The following LDAH variants were observed in gnomAD, a reference collection of about 807,000 sequenced individuals.
LDAH encodes the protein lipid droplet associated hydrolase.
LDAH carries 26 observed loss-of-function variants against 29.6 expected under a neutral mutation model. That is an observed-to-expected ratio of 0.88 (90% CI 0.64 to 1.22). LDAH has a LOEUF of 1.22. LDAH is among the 50% of genes most tolerant of loss of function. The pLI is 0.00. For missense variants in LDAH, 344 were observed against 387.3 expected (o/e 0.89, Z 0.94); for synonymous variants, 117 against 133.0 (o/e 0.88, Z 0.83).
At chr2:20,822,082 C>T (rs1302532780) in intron 1 of LDAH, among the ~76,000 whole-genome samples, 3 of 151,722 alleles carry the variant, frequency 2.0e-5, no homozygotes, top group African/African-American at 2.4e-5. Context: ...TTGGTTGTAT[C>T]TCTTTCTCCA....
In LDAH at chr2:20,710,648, CAT is replaced by C. The variant is rs1326006127; in HGVS notation, c.704-8998_704-8997del. On this transcript the variant is annotated intron_variant, in intron 5 of 6. Transcript: ENST00000237822. Reference sequence around the variant, plus strand: ...TATATATATATAGATATATAGTATACATATATATACACATATATATTATACAT... The same window carrying C: ...TATATATATATAGATATATAGTATACATATATACACATATATATTATACAT... Among the ~76,000 whole-genome samples, 321 of 136,686 alleles carry C rather than the reference CAT, an allele frequency of 2.3e-3. 4 individuals carry two copies. The highest frequency in any genetic ancestry group is 7.2e-3 in the African/African-American group (265 of 36,960). The allele number at this position is 136,686 out of a possible 152,430, so 89.7% of individuals were successfully genotyped here.
intron 5 of LDAH, among the ~76,000 whole-genome samples, chr2:20,722,138 G>C (rs528302913): frequency 7.9e-4 from 120 of 152,230 alleles, no homozygotes; most frequent in African/African-American, 2.7e-3. Flanking sequence ...CACTTTGGGA[G>C]GCCTAGGCGG....
At chr2:20,772,206 A>T (rs1394372034) in intron 4 of LDAH, among the ~76,000 whole-genome samples, 1 of 152,198 alleles carries the variant, frequency 6.6e-6, no homozygotes, top group Non-Finnish European at 1.5e-5. Context: ...CAAACACAAA[A>T]ACCAAAACAG....
At chr2:20,719,723 A>G (rs1345693712) in intron 5 of LDAH, among the ~76,000 whole-genome samples, 1 of 152,164 alleles carries the variant, frequency 6.6e-6, no homozygotes, top group Admixed American at 6.5e-5. Flanking sequence ...AAAATCCTCA[A>G]CAAAATACTA....
intron 1 of LDAH, among the ~76,000 whole-genome samples, chr2:20,805,583 TA>T (rs1194873491): frequency 6.6e-6 from 1 of 152,164 alleles, no homozygotes; most frequent in African/African-American, 2.4e-5. Context: ...CAATCTTTAA[TA>T]AAATCAATTT....
At chr2:20,811,818 G>GA (rs1236687834) in intron 1 of LDAH, among the ~76,000 whole-genome samples, 1 of 152,052 alleles carries the variant, frequency 6.6e-6, no homozygotes, top group Non-Finnish European at 1.5e-5. Flanking sequence ...ATGAAAGACA[G>GA]AAAAAACACA....
chr2:20,728,388 T>A (rs975294764), intron 5 of LDAH, among the ~76,000 whole-genome samples: 6 of 152,186 alleles, frequency 3.9e-5, no homozygotes, highest in African/African-American at 1.4e-4. Context: ...TGATCTTCTT[T>A]TCCCTTGATA....
chr2:20,727,234 C>T (rs1200483672), intron 5 of LDAH, among the ~76,000 whole-genome samples: 2 of 151,952 alleles, frequency 1.3e-5, no homozygotes, highest in African/African-American at 4.8e-5. Context: ...TAAATAAAAG[C>T]CACAGTTGGG....
At chr2:20,716,861 T>C (rs1380488391) in intron 5 of LDAH, among the ~76,000 whole-genome samples, 5 of 151,508 alleles carry the variant, frequency 3.3e-5, no homozygotes, top group African/African-American at 9.7e-5. Flanking sequence ...GATTTTTTTT[T>C]CCCAGAGCCT....
At chr2:20,697,154 C>A (rs1374293671) in intron 6 of LDAH, among the ~76,000 whole-genome samples, 1 of 152,120 alleles carries the variant, frequency 6.6e-6, no homozygotes. Flanking sequence ...AATACAAGTA[C>A]CAAAATGAAC....
intron 1 of LDAH, among the ~76,000 whole-genome samples, chr2:20,803,138 CA>C (rs1671821210): frequency 6.6e-6 from 1 of 152,158 alleles, no homozygotes. Context: ...AGGATACTGC[CA>C]AATATCCTAC....
At chr2:20,709,803 A>G (rs745642276) in intron 5 of LDAH, among the ~76,000 whole-genome samples, 1 of 152,188 alleles carries the variant, frequency 6.6e-6, no homozygotes, top group Non-Finnish European at 1.5e-5. Context: ...ATGCAACGAA[A>G]TATTATTCAT....
chr2:20,720,378 C>A (rs977671283), intron 5 of LDAH, among the ~76,000 whole-genome samples: 2 of 151,724 alleles, frequency 1.3e-5, no homozygotes, highest in African/African-American at 2.4e-5. Context: ...CTAAAAAATA[C>A]CTAGGAATAA....
chr2:20,775,593 T>G lies in LDAH; in HGVS notation c.299-614A>C, dbSNP rs2125020516. ...TTAATTATTTTAGATAATCTTTATTTATTTAAAGAATCCAGATCGAAAAAC... is the reference window on the plus strand; with the variant it reads ...TTAATTATTTTAGATAATCTTTATTGATTTAAAGAATCCAGATCGAAAAAC... On this transcript the variant is annotated intron_variant, in intron 3 of 6. Coordinates refer to ENST00000237822, the MANE Select transcript of LDAH (RefSeq NM_021925.4). 3.9e-5 allele frequency among the ~76,000 whole-genome samples: 6 copies of G among 152,372 alleles called. 1 individual carries two copies. Among genetic ancestry groups the G allele is most frequent in the Admixed American group, 3.9e-4 (6 of 15,312 alleles).
At chr2:20,754,170 CT>C (rs1421112300) in intron 4 of LDAH, among the ~76,000 whole-genome samples, 1 of 152,152 alleles carries the variant, frequency 6.6e-6, no homozygotes, top group East Asian at 1.9e-4. Flanking sequence ...TCCCCATAGA[CT>C]CTTTATTCAT....
intron 1 of LDAH, among the ~76,000 whole-genome samples, chr2:20,809,394 T>C (rs1672317097): frequency 6.6e-6 from 1 of 151,614 alleles, no homozygotes; most frequent in African/African-American, 2.4e-5. Context: ...TGAGAGTTCA[T>C]CTCAAAAAAA....
chr2:20,798,985 G>A (rs1671488477), intron 2 of LDAH, among the ~76,000 whole-genome samples: 1 of 151,968 alleles, frequency 6.6e-6, no homozygotes, highest in African/African-American at 2.4e-5. Context: ...CCAGCACTTT[G>A]GGAGGCTGGG....
intron 2 of LDAH, among the ~76,000 whole-genome samples, chr2:20,794,789 T>C (rs1281645861): frequency 1.3e-5 from 2 of 152,186 alleles, no homozygotes; most frequent in Non-Finnish European, 2.9e-5. Context: ...CTGTATCCAG[T>C]GGCACCAAGC....
intron 5 of LDAH, among the ~76,000 whole-genome samples, chr2:20,715,253 C>T (rs930574041): frequency 1.3e-5 from 2 of 152,196 alleles, no homozygotes; most frequent in Non-Finnish European, 2.9e-5. Flanking sequence ...TGTAATCCAT[C>T]GCATAAACAG....
Sources: gnomAD v4.1 joint callset for allele counts (sites outside exome capture counted in the v4.1 genomes callset) on GRCh38, gnomAD v4.1.1 for gene constraint, MANE v1.5 for transcripts, NCBI Gene and HGNC (gene_info 2026-07-23, HGNC 2026-07-21) for gene names.